The following MGAT4C variants were observed in gnomAD, a reference collection of about 807,000 sequenced individuals.
MGAT4C encodes the protein alpha-1,3-mannosyl-glycoprotein 4-beta-N-acetylglucosaminyltransferase C.
In MGAT4C, 19 loss-of-function variants were observed where a neutral mutation model predicts 40.1. The observed-to-expected ratio is 0.47, with a 90% CI of 0.33 to 0.70. The LOEUF (loss-of-function observed/expected upper bound fraction) is 0.70. MGAT4C is among the 30% of genes least tolerant of loss of function. MGAT4C has a pLI of 0.02. For missense variants in MGAT4C, 491 were observed against 563.2 expected (o/e 0.87, Z 1.30); for synonymous variants, 181 against 187.1 (o/e 0.97, Z 0.27).
At chr12:86,005,478 A>G (rs1363750877) in intron 2 of MGAT4C, among the ~76,000 whole-genome samples, 1 of 152,180 alleles carries the variant, frequency 6.6e-6, no homozygotes, top group Non-Finnish European at 1.5e-5. Context: ...GGTTAACTTT[A>G]TAATAAGGAA....
intron 4 of MGAT4C, among the ~76,000 whole-genome samples, chr12:86,298,286 TA>T: frequency 6.6e-6 from 1 of 152,024 alleles, no homozygotes; most frequent in East Asian, 1.9e-4. Context: ...AAAAATACAA[TA>T]AAAATGTATT....
chr12:86,477,466 A>G (rs1957856507), intron 2 of MGAT4C, among the ~76,000 whole-genome samples: 1 of 152,082 alleles, frequency 6.6e-6, no homozygotes, highest in Admixed American at 6.6e-5. Flanking sequence ...CTGGGTGATA[A>G]GATCATTGGT....
chr12:86,039,846 CT>C (rs1224948742), intron 2 of MGAT4C, among the ~76,000 whole-genome samples: 1 of 152,122 alleles, frequency 6.6e-6, no homozygotes, highest in African/African-American at 2.4e-5. Context: ...TGGTTTTTCG[CT>C]TTCTTTGTGG....
chr12:86,723,714 AC>A (rs1025933243), intron 2 of MGAT4C, among the ~76,000 whole-genome samples: 1 of 152,146 alleles, frequency 6.6e-6, no homozygotes, highest in African/African-American at 2.4e-5. Flanking sequence ...TGGGGGGGAC[AC>A]AAGTCAATCC....
At chr12:86,121,904 C>T (rs1032382432) in intron 1 of MGAT4C, among the ~76,000 whole-genome samples, 1 of 152,130 alleles carries the variant, frequency 6.6e-6, no homozygotes, top group Non-Finnish European at 1.5e-5. Context: ...AAGGGTTATA[C>T]AAATGATTAA....
chr12:86,700,274 A>T (rs906541712), intron 2 of MGAT4C, among the ~76,000 whole-genome samples: 3 of 152,078 alleles, frequency 2.0e-5, no homozygotes, highest in Non-Finnish European at 2.9e-5. Context: ...CAAGCCATAC[A>T]TATTAGTTTG....
chr12:86,552,030 A>G (rs1460847459), intron 2 of MGAT4C, among the ~76,000 whole-genome samples: 1 of 151,242 alleles, frequency 6.6e-6, no homozygotes, highest in East Asian at 1.9e-4. Context: ...AAAAAGCAAA[A>G]AAAAAAAAAA....
intron 3 of MGAT4C, among the ~76,000 whole-genome samples, chr12:86,366,733 T>G (rs1955606007): frequency 6.6e-6 from 1 of 152,156 alleles, no homozygotes; most frequent in Admixed American, 6.5e-5. Context: ...AAGTTGAAAT[T>G]TTTGTTTAAA....
intron 2 of MGAT4C, among the ~76,000 whole-genome samples, chr12:86,573,720 C>T (rs907248028): frequency 2.0e-5 from 3 of 151,862 alleles, no homozygotes; most frequent in Non-Finnish European, 4.4e-5. Context: ...TTTAGGTGTT[C>T]TGGAAAAGAG....
At chr12:86,642,992 T>C (rs1963434694) in intron 2 of MGAT4C, among the ~76,000 whole-genome samples, 1 of 151,778 alleles carries the variant, frequency 6.6e-6, no homozygotes, top group Admixed American at 6.6e-5. Context: ...AGAGTTACCA[T>C]AGTACCTAGC....
At chr12:86,660,805 C>T (rs1161188872) in intron 2 of MGAT4C, among the ~76,000 whole-genome samples, 1 of 152,208 alleles carries the variant, frequency 6.6e-6, no homozygotes. Flanking sequence ...TTGGGACATT[C>T]TATATACCAT....
chr12:86,711,224 A>G (rs568403812), intron 2 of MGAT4C, among the ~76,000 whole-genome samples: 1 of 152,290 alleles, frequency 6.6e-6, no homozygotes, highest in South Asian at 2.1e-4. Context: ...CTAATAATTT[A>G]TTGACTCAAT....
chr12:86,677,475 ATCT>A (rs1166778579), intron 2 of MGAT4C, among the ~76,000 whole-genome samples: 4 of 152,278 alleles, frequency 2.6e-5, no homozygotes, highest in South Asian at 2.1e-4. Context: ...ATGAGGTTAC[ATCT>A]TCTTAATTTC....
chr12:86,668,733 C>T (rs77044536), intron 2 of MGAT4C, among the ~76,000 whole-genome samples: 13,003 of 152,204 alleles, frequency 0.085, 895 homozygotes, highest in African/African-American at 0.19. Flanking sequence ...TGTGCTCTCC[C>T]GTCACAAGCC....
intron 1 of MGAT4C, among the ~76,000 whole-genome samples, chr12:86,204,780 A>T (rs915505828): frequency 6.6e-6 from 1 of 152,154 alleles, no homozygotes; most frequent in Admixed American, 6.5e-5. Context: ...GAATTGCAAG[A>T]TATGTCAACA....
chr12:85,986,351 C>G (rs1172715808), intron 3 of MGAT4C, among the ~76,000 whole-genome samples: 1 of 152,100 alleles, frequency 6.6e-6, no homozygotes, highest in Non-Finnish European at 1.5e-5. Flanking sequence ...AAATATATAC[C>G]CTTGTGGCTA....
At chr12:86,091,245 A>G (rs1872826983) in intron 1 of MGAT4C, among the ~76,000 whole-genome samples, 1 of 152,016 alleles carries the variant, frequency 6.6e-6, no homozygotes, top group African/African-American at 2.4e-5. Flanking sequence ...AATAATAACA[A>G]CTTCCTAAGA....
chr12:86,763,719 C>A (rs1951446423), intron 1 of MGAT4C, among the ~76,000 whole-genome samples: 1 of 152,058 alleles, frequency 6.6e-6, no homozygotes, highest in South Asian at 2.1e-4. Flanking sequence ...ATAACACACA[C>A]ACAAATGTGT....
intron 2 of MGAT4C, among the ~76,000 whole-genome samples, chr12:86,589,196 C>A (rs892992492): frequency 3.3e-5 from 5 of 150,482 alleles, no homozygotes; most frequent in African/African-American, 1.2e-4. Flanking sequence ...ATCAAATAGA[C>A]GCAATAAAAA....
Sources: allele counts gnomAD v4.1 joint callset (sites outside exome capture counted in the v4.1 genomes callset), GRCh38; gene constraint gnomAD v4.1.1; transcripts MANE v1.5; gene names NCBI Gene and HGNC (gene_info 2026-07-23, HGNC 2026-07-21).